LY6S: variants seen among roughly 807,000 people sequenced by gnomAD.
LY6S encodes lymphocyte antigen 6 family member S.
the LY6S span, chr8:143,044,502 C>A: frequency 2.3e-6 from 1 of 433,506 alleles, no homozygotes; most frequent in East Asian, 7.2e-5. Context: ...GCTCTTCCAC[C>A]CTTCCCTGCA....
chr8:143,074,007 T>C, the LY6S span, among the ~76,000 whole-genome samples: 1 of 152,200 alleles, frequency 6.6e-6, no homozygotes, highest in Non-Finnish European at 1.5e-5. Context: ...ACAGCCGTCG[T>C]CCCCGGGGTT....
the LY6S span, among the ~76,000 whole-genome samples, chr8:143,051,318 A>G: frequency 2.6e-5 from 4 of 152,124 alleles, no homozygotes; most frequent in African/African-American, 7.2e-5. Context: ...AGGCGAGCGG[A>G]TCATCTGAGG....
At chr8:143,071,421 C>T in the LY6S span, among the ~76,000 whole-genome samples, 1 of 152,124 alleles carries the variant, frequency 6.6e-6, no homozygotes, top group African/African-American at 2.4e-5. Flanking sequence ...TTTGTCAAAA[C>T]CCGCAGAATA....
chr8:143,053,717 G>A, the LY6S span: 1 of 152,206 alleles, frequency 6.6e-6, no homozygotes, highest in East Asian at 1.9e-4. Context: ...TGCCTTTACA[G>A]CAATCATGCC....
the LY6S span, chr8:143,057,744 T>G: frequency 2.5e-6 from 2 of 788,984 alleles, no homozygotes; most frequent in Non-Finnish European, 4.7e-6. Flanking sequence ...TTAATCACTG[T>G]GTCGATCTGA....
the LY6S span, among the ~76,000 whole-genome samples, chr8:143,054,601 C>T: frequency 5.3e-4 from 81 of 152,202 alleles, no homozygotes; most frequent in Non-Finnish European, 1.1e-3. Flanking sequence ...GTATCTACGA[C>T]TCCCTCCACT....
chr8:143,051,971 CA>C, the LY6S span, among the ~76,000 whole-genome samples: 34 of 78,240 alleles, frequency 4.3e-4, no homozygotes, highest in East Asian at 7.5e-4. Flanking sequence ...GACTCTGTCT[CA>C]AAAAAAAAAA....
At chr8:143,054,575 G>C in the LY6S span, among the ~76,000 whole-genome samples, 46 of 152,296 alleles carry the variant, frequency 3.0e-4, no homozygotes, top group African/African-American at 1.1e-3. Flanking sequence ...GTTGTGGGGG[G>C]TTGTGGATCT....
chr8:143,049,462 T>G, the LY6S span, among the ~76,000 whole-genome samples: 2 of 152,146 alleles, frequency 1.3e-5, no homozygotes, highest in Non-Finnish European at 2.9e-5. Context: ...TACCCATGAG[T>G]AGGTATTTAT....
the LY6S span, among the ~76,000 whole-genome samples, chr8:143,067,390 C>A: frequency 0.021 from 3,172 of 152,306 alleles, 62 homozygotes; most frequent in East Asian, 0.065. Flanking sequence ...TGTTTGCAGG[C>A]AGTGTGCTTG....
chr8:143,066,613 A>T, the LY6S span: 1 of 218,926 alleles, frequency 4.6e-6, no homozygotes, highest in Non-Finnish European at 9.5e-6. Flanking sequence ...CGGAAAGAGG[A>T]CAGTTGTTCC....
At chr8:143,041,146 TC>T in the LY6S span, among the ~76,000 whole-genome samples, 1 of 152,154 alleles carries the variant, frequency 6.6e-6, no homozygotes, top group Non-Finnish European at 1.5e-5. Flanking sequence ...AGACAACCAG[TC>T]TGACCAAAAT....
chr8:143,070,445 TGTA>T, the LY6S span, among the ~76,000 whole-genome samples: 35 of 50,718 alleles, frequency 6.9e-4, 2 homozygotes, highest in African/African-American at 1.7e-3. Flanking sequence ...ATATATATAT[TGTA>T]TATATATATA....
the LY6S span, among the ~76,000 whole-genome samples, chr8:143,070,463 TAA>T: frequency 1.3e-4 from 5 of 39,242 alleles, no homozygotes; most frequent in Admixed American, 4.4e-4. Flanking sequence ...TATATATATA[TAA>T]TATATATATA....
chr8:143,058,779 C>T, the LY6S span, among the ~76,000 whole-genome samples: 4 of 152,326 alleles, frequency 2.6e-5, no homozygotes, highest in African/African-American at 9.6e-5. Context: ...GACCTCGGTC[C>T]GCCTGGCAAC....
chr8:143,071,949 CA>C, the LY6S span, among the ~76,000 whole-genome samples: 1 of 152,192 alleles, frequency 6.6e-6, no homozygotes, highest in Admixed American at 6.5e-5. Flanking sequence ...CCATCCACCC[CA>C]AAGTCAACAC....
At chr8:143,075,739 A>T in the LY6S span, among the ~76,000 whole-genome samples, 1 of 152,210 alleles carries the variant, frequency 6.6e-6, no homozygotes, top group Non-Finnish European at 1.5e-5. The surrounding 1 kb of genome is among the most constrained non-coding windows in gnomAD (Gnocchi z 4.1). Flanking sequence ...TTATTTCCCA[A>T]TGCAAATATA....
chr8:143,044,291 G>A, the LY6S span: 1 of 454,314 alleles, frequency 2.2e-6, no homozygotes, highest in Non-Finnish European at 4.4e-6. Context: ...GGTCCCCAGA[G>A]TAGCTACAGC....
the LY6S span, among the ~76,000 whole-genome samples, chr8:143,051,547 A>C: frequency 6.6e-6 from 1 of 151,540 alleles, no homozygotes; most frequent in Non-Finnish European, 1.5e-5. Context: ...ACTCAAAACT[A>C]ATAATAATTA....
Sources: gnomAD v4.1 joint callset for allele counts (sites outside exome capture counted in the v4.1 genomes callset) on GRCh38, gnomAD v4.1.1 for gene constraint, Gnocchi (gnomAD v3.1) non-coding constraint, MANE v1.5 for transcripts, NCBI Gene and HGNC (gene_info 2026-07-23, HGNC 2026-07-21) for gene names.